The following OLFM3 variants were observed in gnomAD, a reference collection of about 807,000 sequenced individuals.
The protein encoded by OLFM3 is noelin-3.
In OLFM3, 20 loss-of-function variants were observed where a neutral mutation model predicts 48.6. The ratio of observed to expected loss-of-function variants is 0.41; its 90% CI spans 0.29 to 0.60. The LOEUF is 0.60. Among genes scored for constraint, OLFM3 ranks in the 20% least tolerant of loss-of-function variants. OLFM3 has a pLI of 0.28. For synonymous variants in OLFM3, 222 were observed against 198.1 expected, an observed-to-expected ratio of 1.12 and a Z score of -1.01; for missense variants, 437 against 544.3, an observed-to-expected ratio of 0.80 and a Z score of 1.96.
intron 1 of OLFM3, among the ~76,000 whole-genome samples, chr1:101,979,343 C>G (rs1297954392): frequency 6.6e-6 from 1 of 152,160 alleles, no homozygotes; most frequent in African/African-American, 2.4e-5. Context: ...CCACCTAAAT[C>G]TCACCTCGAA....
chr1:101,818,728 C>T (rs1212730798), intron 4 of OLFM3, among the ~76,000 whole-genome samples: 2 of 152,026 alleles, frequency 1.3e-5, no homozygotes, highest in South Asian at 2.1e-4. Context: ...GCAATGACAA[C>T]AAACATGAAA....
rs565203425 is a variant in OLFM3 at position 101,807,247 on chromosome 1, G to T, written c.593-1065C>A. On this transcript the variant is annotated intron_variant, in intron 4 of 5. Coordinates refer to ENST00000370103, the MANE Select transcript of OLFM3 (RefSeq NM_058170.4). ...TTTTTGAACAGCAAAATTTAGAAGT[G>T]ATTTATTAATCATACACATTGTGAA... Among the ~76,000 whole-genome samples, 4 of 151,830 alleles carry T rather than the reference G, an allele frequency of 2.6e-5. No homozygotes were observed. In the South Asian group the frequency reaches 8.3e-4, roughly 31 times the overall value.
At chr1:101,941,611 A>G (rs1432410739) in intron 1 of OLFM3, among the ~76,000 whole-genome samples, 1 of 152,224 alleles carries the variant, frequency 6.6e-6, no homozygotes, top group Non-Finnish European at 1.5e-5. Context: ...AGGGAAATCT[A>G]GAGACATCAC....
At chr1:101,913,324 G>T (rs79143011) in intron 1 of OLFM3, among the ~76,000 whole-genome samples, 1,648 of 152,244 alleles carry the variant, frequency 0.011, 32 homozygotes, top group African/African-American at 0.037. Context: ...AATAATTTGG[G>T]ACTTGAACGC....
At chr1:101,970,304 A>G (rs766429417) in intron 1 of OLFM3, among the ~76,000 whole-genome samples, 2 of 152,320 alleles carry the variant, frequency 1.3e-5, no homozygotes, top group Non-Finnish European at 2.9e-5. Flanking sequence ...GGCATGAGCC[A>G]CTGTGCCAGC....
intron 1 of OLFM3, among the ~76,000 whole-genome samples, chr1:101,880,916 G>A (rs1557714108): frequency 6.6e-6 from 1 of 151,824 alleles, no homozygotes; most frequent in East Asian, 1.9e-4. Context: ...CTTTAGGACA[G>A]GCGAGACCCT....
At chr1:101,815,865 A>C (rs544126192) in intron 4 of OLFM3, among the ~76,000 whole-genome samples, 2 of 152,366 alleles carry the variant, frequency 1.3e-5, no homozygotes, top group East Asian at 1.9e-4. Context: ...TAATGATGAC[A>C]GTGAAAGCCA....
chr1:101,991,949 C>G, intron 1 of OLFM3, among the ~76,000 whole-genome samples: 1 of 151,950 alleles, frequency 6.6e-6, no homozygotes, highest in East Asian at 1.9e-4. Flanking sequence ...TAACTAGACC[C>G]TACAAAAGAA....
intron 1 of OLFM3, among the ~76,000 whole-genome samples, chr1:101,915,115 T>G (rs1049363779): frequency 2.0e-5 from 3 of 152,138 alleles, no homozygotes; most frequent in Non-Finnish European, 4.4e-5. Flanking sequence ...ATTGCACACA[T>G]TCAGTGTACG....
At chr1:101,974,851 T>C (rs1267069612) in intron 1 of OLFM3, among the ~76,000 whole-genome samples, 4 of 152,190 alleles carry the variant, frequency 2.6e-5, no homozygotes, top group African/African-American at 4.8e-5. Flanking sequence ...TTCTGAGCCA[T>C]GTTCTCTAGA....
intron 1 of OLFM3, among the ~76,000 whole-genome samples, chr1:101,896,955 A>G (rs1046853578): frequency 1.2e-4 from 18 of 152,162 alleles, no homozygotes; most frequent in African/African-American, 3.9e-4. Context: ...GATCCAGAAC[A>G]CGAGTGGATT....
At chr1:101,909,953 A>G (rs1658693416) in intron 1 of OLFM3, 1 of 985,178 alleles carries the variant, frequency 1.0e-6, no homozygotes. Context: ...CTCATCCAAT[A>G]ATCTTCAAGG....
At chr1:101,975,245 G>A (rs1307112479) in intron 1 of OLFM3, among the ~76,000 whole-genome samples, 3 of 152,162 alleles carry the variant, frequency 2.0e-5, no homozygotes, top group Non-Finnish European at 4.4e-5. Flanking sequence ...AAGTGACACA[G>A]TAACACACCT....
intron 1 of OLFM3, among the ~76,000 whole-genome samples, chr1:101,877,762 T>A (rs1336477419): frequency 1.3e-5 from 2 of 151,898 alleles, no homozygotes; most frequent in Non-Finnish European, 2.9e-5. Context: ...GTCACTTAGA[T>A]GTTAACATTG....
chr1:101,828,293 T>C (rs927545829), intron 3 of OLFM3, among the ~76,000 whole-genome samples: 1 of 152,228 alleles, frequency 6.6e-6, no homozygotes, highest in African/African-American at 2.4e-5. Flanking sequence ...ATGAAAATAG[T>C]GCCTGAGTTA....
At chr1:101,821,681 C>T (rs1191168316) in intron 4 of OLFM3, among the ~76,000 whole-genome samples, 2 of 152,024 alleles carry the variant, frequency 1.3e-5, no homozygotes, top group African/African-American at 4.8e-5. Flanking sequence ...AATGGCCCCT[C>T]TACTAAGTAA....
intron 1 of OLFM3, among the ~76,000 whole-genome samples, chr1:101,872,833 ACT>A (rs1657135980): frequency 6.6e-6 from 1 of 151,800 alleles, no homozygotes; most frequent in Admixed American, 6.6e-5. Context: ...TTCTGTAGAA[ACT>A]CTATTGAAGA....
chr1:101,854,758 C>T (rs891042185), intron 1 of OLFM3, among the ~76,000 whole-genome samples: 3 of 152,020 alleles, frequency 2.0e-5, no homozygotes, highest in Non-Finnish European at 4.4e-5. Context: ...TTTATCCCTG[C>T]AGTCTCACGT....
chr1:101,848,290 A>G (rs1656089246), intron 1 of OLFM3, among the ~76,000 whole-genome samples: 1 of 152,198 alleles, frequency 6.6e-6, no homozygotes, highest in South Asian at 2.1e-4. Flanking sequence ...TCTTAGGAGA[A>G]TTCTGGACTT....
Sources: gnomAD v4.1 joint callset for allele counts (sites outside exome capture counted in the v4.1 genomes callset) on GRCh38, gnomAD v4.1.1 for gene constraint, MANE v1.5 for transcripts, NCBI Gene and HGNC (gene_info 2026-07-23, HGNC 2026-07-21) for gene names.